PSD3: variants seen among roughly 807,000 people sequenced by gnomAD.
PSD3 encodes PH and SEC7 domain-containing protein 3.
A neutral mutation model predicts 105.5 loss-of-function variants in PSD3; 49 were observed. The observed-to-expected ratio is 0.46, with a 90% CI of 0.37 to 0.59. The LOEUF is 0.59. Ranked by LOEUF, PSD3 falls within the 20% of genes least tolerant of loss-of-function variation. The pLI, the probability that PSD3 is intolerant of heterozygous loss-of-function variation, is 0.00. For synonymous variants in PSD3, 557 were observed against 457.8 expected, an observed-to-expected ratio of 1.22 and a Z score of -2.77; for missense variants, 1,561 against 1,263.8, an observed-to-expected ratio of 1.24 and a Z score of -3.57.
chr8:18,556,145 C>A, intron 15 of PSD3, 64 bp downstream of exon 15: 8 of 1,572,282 alleles, frequency 5.1e-6, no homozygotes, highest in Non-Finnish European at 6.1e-6. Flanking sequence ...AAAGATACCG[C>A]CTCATGGACA....
At chr8:18,995,737 G>A (rs1325050461) in intron 1 of PSD3, among the ~76,000 whole-genome samples, 1 of 151,992 alleles carries the variant, frequency 6.6e-6, no homozygotes, top group African/African-American at 2.4e-5. Context: ...TTACATAGTG[G>A]CAGGCAAGAG....
chr8:18,710,482 G>A (rs966907835), intron 9 of PSD3, among the ~76,000 whole-genome samples: 1 of 152,046 alleles, frequency 6.6e-6, no homozygotes, highest in African/African-American at 2.4e-5. Flanking sequence ...TCACATTGAG[G>A]AAACCCAGAG....
At chr8:18,870,093 G>A (rs775872817) in intron 3 of PSD3, among the ~76,000 whole-genome samples, 8 of 152,150 alleles carry the variant, frequency 5.3e-5, no homozygotes, top group Non-Finnish European at 1.0e-4. Context: ...CTGATGGGTT[G>A]GGGAGGGGAG....
At chr8:18,734,870 G>C (rs181713010) in intron 9 of PSD3, among the ~76,000 whole-genome samples, 3 of 152,240 alleles carry the variant, frequency 2.0e-5, no homozygotes, top group South Asian at 4.1e-4. Context: ...AGCTTCCAGA[G>C]AACAGCAATA....
chr8:19,064,716 A>G (rs530558554), intron 1 of PSD3, among the ~76,000 whole-genome samples: 1 of 152,358 alleles, frequency 6.6e-6, no homozygotes, highest in East Asian at 1.9e-4. Flanking sequence ...GCATTCTAGT[A>G]TTGCTTCATT....
intron 4 of PSD3, among the ~76,000 whole-genome samples, chr8:18,842,707 T>G (rs1306790042): frequency 6.6e-6 from 1 of 151,072 alleles, no homozygotes; most frequent in Non-Finnish European, 1.5e-5. Context: ...CACTCCAGCC[T>G]GGGCGACAAA....
At chr8:19,007,476 G>A (rs530798839) in intron 1 of PSD3, among the ~76,000 whole-genome samples, 1 of 152,082 alleles carries the variant, frequency 6.6e-6, no homozygotes, top group Non-Finnish European at 1.5e-5. Context: ...CTATCTTATT[G>A]GACAGGGCAA....
intron 4 of PSD3, among the ~76,000 whole-genome samples, chr8:18,866,498 C>T (rs1447271245): frequency 6.6e-6 from 1 of 152,218 alleles, no homozygotes; most frequent in Non-Finnish European, 1.5e-5. Context: ...ATAAATAAAT[C>T]CAGTTTCAGA....
chr8:18,677,914 G>A (rs934920108), intron 9 of PSD3, among the ~76,000 whole-genome samples: 1 of 151,762 alleles, frequency 6.6e-6, no homozygotes, highest in Admixed American at 6.6e-5. Flanking sequence ...GGAGGCTGAA[G>A]CAGGAGAGTG....
At chr8:18,916,238 A>G (rs1820573328) in intron 2 of PSD3, among the ~76,000 whole-genome samples, 1 of 148,338 alleles carries the variant, frequency 6.7e-6, no homozygotes, top group African/African-American at 2.5e-5. Flanking sequence ...TATTCACAAG[A>G]GCCAAGATAT....
intron 4 of PSD3, among the ~76,000 whole-genome samples, chr8:18,828,591 G>A (rs534654686): frequency 5.9e-4 from 90 of 151,696 alleles, no homozygotes; most frequent in African/African-American, 2.1e-3. Flanking sequence ...GCTCGAGCCC[G>A]GGAGTTCAAG....
chr8:18,751,013 G>T (rs1251179482), intron 9 of PSD3, among the ~76,000 whole-genome samples: 2 of 152,286 alleles, frequency 1.3e-5, no homozygotes, highest in Admixed American at 1.3e-4. Flanking sequence ...TGCAGGTGGA[G>T]CTGCCTGCCA....
intron 2 of PSD3, among the ~76,000 whole-genome samples, chr8:18,898,211 C>T (rs1428238824): frequency 6.6e-6 from 1 of 152,074 alleles, no homozygotes; most frequent in Non-Finnish European, 1.5e-5. Context: ...TGTTTAAGTG[C>T]CCAACTATTA....
chr8:18,613,031 C>G (rs1805382895), intron 11 of PSD3, among the ~76,000 whole-genome samples: 1 of 150,088 alleles, frequency 6.7e-6, no homozygotes, highest in Non-Finnish European at 1.5e-5. Context: ...AACACAAGAG[C>G]ATGCATCATT....
intron 9 of PSD3, among the ~76,000 whole-genome samples, chr8:18,704,346 G>A (rs1801764807): frequency 6.6e-6 from 1 of 152,112 alleles, no homozygotes; most frequent in African/African-American, 2.4e-5. Context: ...GAAAATAAGA[G>A]AACCTTTTTT....
chr8:18,677,261 G>C (rs1800110939), intron 9 of PSD3, among the ~76,000 whole-genome samples: 1 of 152,164 alleles, frequency 6.6e-6, no homozygotes, highest in East Asian at 1.9e-4. Context: ...AAAAACCATT[G>C]TCACTTTGCT....
rs775916976 is a variant in PSD3, at chr8:18,572,605, G to C, written c.2707C>G (p.Pro903Ala). The C allele has an allele frequency of 2.4e-5, 38 of 1,614,014 alleles. No individual in the cohort carries two copies. The highest frequency in any genetic ancestry group is 3.2e-5 in the Non-Finnish European group (38 of 1,179,978). ...TGAGAGCCGATTGCTGCTGGAAATGGTGGTGCAGAAAATACAGCTGCCACA... is the reference window on the plus strand; with the variant it reads ...TGAGAGCCGATTGCTGCTGGAAATGCTGGTGCAGAAAATACAGCTGCCACA... ...NCVAAVFSAP[P>A]FPAAIGSQKK... Residue 903 changes from proline to alanine, a missense_variant, in exon 14 of 16, where the codon CCA becomes GCA. Pro to Ala is a conservative substitution (Grantham distance 27, BLOSUM62 -1). Transcript: ENST00000327040.
chr8:18,551,691 T>C (rs1431302229), intron 15 of PSD3, among the ~76,000 whole-genome samples: 1 of 152,182 alleles, frequency 6.6e-6, no homozygotes, highest in African/African-American at 2.4e-5. Context: ...TTCAGCTGAA[T>C]TCAAGCCCAT....
At chr8:18,813,324 G>A (rs1263894873) in intron 4 of PSD3, among the ~76,000 whole-genome samples, 4 of 152,094 alleles carry the variant, frequency 2.6e-5, no homozygotes, top group Non-Finnish European at 4.4e-5. Context: ...AGTTTGGTTC[G>A]AAGAAACGAT....
Sources: allele counts gnomAD v4.1 joint callset (sites outside exome capture counted in the v4.1 genomes callset), GRCh38; gene constraint gnomAD v4.1.1; transcripts MANE v1.5; gene names NCBI Gene and HGNC (gene_info 2026-07-23, HGNC 2026-07-21).